The following EML1 variants were observed in gnomAD, a reference collection of about 807,000 sequenced individuals.
EML1 encodes EMAP like 1.
A neutral mutation model predicts 110.4 loss-of-function variants in EML1; 27 were observed. The observed-to-expected ratio is 0.24, with a 90% CI of 0.18 to 0.34. The LOEUF is 0.34. Among genes scored for constraint, EML1 ranks in the 10% least tolerant of loss-of-function variants. The pLI is 1.00. For missense variants in EML1, 741 were observed against 1,030.9 expected (o/e 0.72, Z 3.85); for synonymous variants, 344 against 385.8 (o/e 0.89, Z 1.27).
In EML1 at chr14:99,911,447, T is replaced by C. The variant is rs756104381; in HGVS notation, c.1365T>C (p.Val455=). 7 of 1,610,612 alleles carry C rather than the reference T, an allele frequency of 4.3e-6. No homozygotes were observed. The Admixed American group carries it at 6.8e-5, about 16-fold the overall frequency. ...GKGTNRISYA[V]QGAHEGGIFA... is the part of the protein sequence containing the mutation. The stretch of plus-strand genomic sequence containing the variant: ...GTACAAATCGAATAAGCTATGCAGT[T>C]CAGGGGGCCCATGAGGGTGGCATTT... Residue 455 remains valine (V), a synonymous_variant, in exon 13 of 22, where the codon GTT becomes GTC. Transcript: ENST00000262233.
chr14:99,844,306 C>T (rs2058675124), intron 1 of EML1, among the ~76,000 whole-genome samples: 1 of 152,104 alleles, frequency 6.6e-6, no homozygotes, highest in African/African-American at 2.4e-5. Context: ...TAGCGAAACC[C>T]CGTCTCTACT....
intron 1 of EML1, among the ~76,000 whole-genome samples, chr14:99,849,955 G>T (rs1210705134): frequency 1.3e-5 from 2 of 151,058 alleles, no homozygotes; most frequent in East Asian, 2.0e-4. Context: ...GTCACCCGGG[G>T]TCTTGCTCTG....
chr14:99,819,695 G>GT (rs2058229238), intron 1 of EML1, among the ~76,000 whole-genome samples: 1 of 152,154 alleles, frequency 6.6e-6, no homozygotes, highest in Non-Finnish European at 1.5e-5. Flanking sequence ...CTGTCTGGAG[G>GT]TTTCCCTCCG....
intron 1 of EML1, among the ~76,000 whole-genome samples, chr14:99,822,735 A>G (rs1220635567): frequency 1.3e-5 from 2 of 152,196 alleles, no homozygotes; most frequent in South Asian, 2.1e-4. Context: ...CATGCCCCAC[A>G]TGAAAGGCCA....
intron 1 of EML1, among the ~76,000 whole-genome samples, chr14:99,812,319 G>T (rs1206769879): frequency 3.3e-5 from 5 of 151,824 alleles, no homozygotes; most frequent in African/African-American, 1.2e-4. Context: ...ACATTCATGA[G>T]GCTGTCTCTC....
At chr14:99,874,923 A>T (rs554560752) in intron 3 of EML1, 1 of 1,611,258 alleles carries the variant, frequency 6.2e-7, no homozygotes, top group South Asian at 1.1e-5. Context: ...TGTGCCTCTT[A>T]TATGTAGATT....
chr14:99,791,112 C>T (rs1255338264), upstream of EML1, among the ~76,000 whole-genome samples: 3 of 152,148 alleles, frequency 2.0e-5, no homozygotes, highest in African/African-American at 7.2e-5. Context: ...CTGCCCACCT[C>T]GGCCTCCCAA....
rs533527024 is a variant in EML1 at position 99,781,106 on chromosome 14, G to A, written c.-27+7093G>A. ...CCCCTGCCCCCAGAATACTGGTTGG[G>A]TCCAGCTCAGTCCTCTGGACCCCTG... On this transcript the variant is annotated intron_variant, in intron 1 of 22. Transcript: ENST00000327921. This position sits in a 1 kb window ranked among gnomAD's most constrained non-coding sequence, Gnocchi z 4.2. Among the ~76,000 whole-genome samples, 32 of 152,078 alleles carry A rather than the reference G, an allele frequency of 2.1e-4. No individual in the cohort carries two copies. The highest frequency in any genetic ancestry group is 7.0e-4 in the African/African-American group (29 of 41,464).
At chr14:99,816,420 C>T (rs2058168929) in intron 1 of EML1, among the ~76,000 whole-genome samples, 1 of 152,236 alleles carries the variant, frequency 6.6e-6, no homozygotes, top group African/African-American at 2.4e-5. Context: ...GCCTTGGCCT[C>T]CCAAAGTTAT....
chr14:99,793,056 C>G (rs911837247), upstream of EML1, among the ~76,000 whole-genome samples: 1 of 151,458 alleles, frequency 6.6e-6, no homozygotes, highest in African/African-American at 2.4e-5. Context: ...CCCGCGCCCC[C>G]GCAAGGGCCG....
At chr14:99,819,718 T>C (rs1408527085) in intron 1 of EML1, among the ~76,000 whole-genome samples, 1 of 151,764 alleles carries the variant, frequency 6.6e-6, no homozygotes, top group Non-Finnish European at 1.5e-5. Context: ...GTGGGAGGGG[T>C]GAAGCAGACA....
At chr14:99,877,967 C>T (rs536975720) in intron 3 of EML1, among the ~76,000 whole-genome samples, 1 of 152,312 alleles carries the variant, frequency 6.6e-6, no homozygotes, top group African/African-American at 2.4e-5. Context: ...AACCCATGGG[C>T]CCATGGGCCT....
rs138377940 is a variant in EML1, at chr14:99,812,366, G to A, written c.67+18823G>A. Among the ~76,000 whole-genome samples the A allele has an allele frequency of 8.4e-4, 128 of 151,912 alleles. 2 individuals are homozygous for A. The highest frequency in any genetic ancestry group is 1.4e-3 in the Non-Finnish European group (98 of 67,910). ...AACAGCTGGACATACACTGAGAAAG[G>A]AAGTCAGCCAAATGAATATTTTCTA... On this transcript the variant is annotated intron_variant, in intron 1 of 21. Coordinates refer to ENST00000262233, the MANE Select transcript of EML1 (RefSeq NM_004434.3).
intron 11 of EML1, 98 bp from the exon 12 acceptor site, chr14:99,910,144 C>T (rs536825788): frequency 5.0e-5 from 44 of 875,942 alleles, no homozygotes; most frequent in Admixed American, 2.6e-4. Context: ...GGGACCACTG[C>T]GAATCTAGAT....
chr14:99,888,724 T>C (rs2059527807), intron 4 of EML1, among the ~76,000 whole-genome samples: 1 of 152,178 alleles, frequency 6.6e-6, no homozygotes, highest in African/African-American at 2.4e-5. Context: ...GAAAGTAGTA[T>C]AATGAACTGA....
At chr14:99,849,791 G>A (rs756422649) in intron 1 of EML1, among the ~76,000 whole-genome samples, 2 of 151,960 alleles carry the variant, frequency 1.3e-5, no homozygotes, top group Non-Finnish European at 2.9e-5. Flanking sequence ...TAGGTGATCC[G>A]TTTGCCTTGG....
chr14:99,850,275 A>G lies in EML1; in HGVS notation c.68-578A>G, dbSNP rs187247494. 83 of 1,288,370 alleles carry G rather than the reference A, an allele frequency of 6.4e-5. No individual in the cohort carries two copies. In the African/African-American group the frequency reaches 1.0e-3, roughly 16 times the overall value. 79.8% of individuals were successfully genotyped at this position (1,288,370 alleles called of 1,614,324 possible). On this transcript the variant is annotated intron_variant, in intron 1 of 21. Coordinates refer to ENST00000262233, the MANE Select transcript of EML1 (RefSeq NM_004434.3). Reference sequence around the variant, plus strand: ...GATGTACAATGAGATTGGAGAGGCGAAGAAGATCACGGAGAGGTTTATAGA... The same window carrying G: ...GATGTACAATGAGATTGGAGAGGCGGAGAAGATCACGGAGAGGTTTATAGA...
At chr14:99,801,553 T>A (rs764612843) in intron 1 of EML1, among the ~76,000 whole-genome samples, 13 of 151,584 alleles carry the variant, frequency 8.6e-5, no homozygotes, top group Non-Finnish European at 1.6e-4. Context: ...AGGCAGAGCT[T>A]GCAGTGAGCC....
intron 1 of EML1, among the ~76,000 whole-genome samples, chr14:99,798,504 T>G (rs2057817785): frequency 6.6e-6 from 1 of 151,764 alleles, no homozygotes; most frequent in Non-Finnish European, 1.5e-5. Context: ...GCAGTTCTCC[T>G]GCCTCAGCCT....
Sources: gnomAD v4.1 joint callset for allele counts (sites outside exome capture counted in the v4.1 genomes callset) on GRCh38, gnomAD v4.1.1 for gene constraint, Gnocchi (gnomAD v3.1) non-coding constraint, MANE v1.5 for transcripts, NCBI Gene and HGNC (gene_info 2026-07-23, HGNC 2026-07-21) for gene names.